PDIA5: variants seen among roughly 807,000 people sequenced by gnomAD.
PDIA5 encodes the protein protein disulfide-isomerase A5.
A neutral mutation model predicts 77.6 loss-of-function variants in PDIA5; 58 were observed. The observed-to-expected ratio is 0.75, with a 90% confidence interval of 0.61 to 0.93. The LOEUF (loss-of-function observed/expected upper bound fraction) is 0.93, where lower values mean the gene tolerates loss of function less well. Ranked by LOEUF, PDIA5 falls within the 40% of genes least tolerant of loss-of-function variation. The probability of loss-of-function intolerance (pLI) is 0.00; values close to 1 mark genes in which losing one functional copy is unlikely to be tolerated. For synonymous variants in PDIA5, 250 were observed against 252.1 expected, an observed-to-expected ratio of 0.99 and a Z score of 0.08; for missense variants, 630 against 647.7, an observed-to-expected ratio of 0.97 and a Z score of 0.30.
chr3:123,108,551 A>G (rs993702741), intron 6 of PDIA5, among the ~76,000 whole-genome samples: 77 of 145,840 alleles, frequency 5.3e-4, no homozygotes, highest in Non-Finnish European at 9.5e-4. Context: ...AAGTACTGAG[A>G]TTACAGGCGT....
intron 11 of PDIA5, among the ~76,000 whole-genome samples, chr3:123,138,314 G>A (rs1372014339): frequency 1.3e-5 from 2 of 151,972 alleles, no homozygotes; most frequent in Non-Finnish European, 2.9e-5. Context: ...ACATTATCTT[G>A]TAGGTATTTT....
intron 7 of PDIA5, among the ~76,000 whole-genome samples, chr3:123,115,489 C>T (rs59875002): frequency 0.042 from 6,459 of 152,254 alleles, 461 homozygotes; most frequent in African/African-American, 0.15. Flanking sequence ...CCAAGGCCAT[C>T]GCAGACAGAA....
chr3:123,123,387 A>T (rs1464113791), intron 8 of PDIA5, among the ~76,000 whole-genome samples: 1 of 152,218 alleles, frequency 6.6e-6, no homozygotes, highest in African/African-American at 2.4e-5. Context: ...GAATTCTGAG[A>T]TGATGATCCA....
At chr3:123,068,627 C>T (rs1211064253) in intron 1 of PDIA5, among the ~76,000 whole-genome samples, 1 of 152,218 alleles carries the variant, frequency 6.6e-6, no homozygotes, top group African/African-American at 2.4e-5. Context: ...CTTTCCCCTC[C>T]CTTTTGTGAA....
At chr3:123,159,469 G>A (rs369544773) in intron 15 of PDIA5, among the ~76,000 whole-genome samples, 2 of 152,334 alleles carry the variant, frequency 1.3e-5, no homozygotes, top group East Asian at 1.9e-4. Context: ...TAGCCTACCT[G>A]AAGGACAGCT....
Position 123,161,437 on chromosome 3 carries a change from G to T in PDIA5, c.1461G>T (p.Lys487Asn). 6.2e-7 allele frequency: 1 copy of T among 1,614,090 alleles called. No individual in the cohort carries two copies. The highest frequency in any genetic ancestry group is 8.5e-7 in the Non-Finnish European group (1 of 1,180,012). The change falls in exon 16 of 17, where the codon AAG becomes AAT. Residue 487 changes from lysine to asparagine, a missense_variant. Transcript: ENST00000316218. ...HYYHYGKFAE[K>N]YDSDRTELGF... ...ACCACTATGGGAAGTTCGCAGAAAA[G>T]TATGACAGCGACCGCACAGTAAGTG... is the stretch of plus-strand genomic sequence containing the variant.
intron 15 of PDIA5, 56 bp downstream of exon 15, chr3:123,155,097 C>T (rs1442837080): frequency 1.6e-6 from 2 of 1,218,402 alleles, no homozygotes; most frequent in Non-Finnish European, 1.2e-6. Flanking sequence ...CTACACCTTC[C>T]TTCTTGTCAT....
chr3:123,086,271 T>G (rs1213902495), intron 1 of PDIA5, among the ~76,000 whole-genome samples: 1 of 152,240 alleles, frequency 6.6e-6, no homozygotes, highest in Admixed American at 6.5e-5. Context: ...TTATCCCATT[T>G]CATCCTCATA....
At chr3:123,126,376 C>T (rs1483803878) in intron 10 of PDIA5, among the ~76,000 whole-genome samples, 8 of 152,168 alleles carry the variant, frequency 5.3e-5, no homozygotes, top group Middle Eastern at 3.2e-3. Context: ...CTCTTGTTAA[C>T]GGCCTTATCC....
Position 123,102,475 on chromosome 3 carries a change from G to A in PDIA5, c.322G>A (p.Val108Ile), listed in dbSNP as rs1263223361. ...KVDLSPKDKK[V>I]ELFHYQDGAF... is the part of the protein sequence containing the mutation. Reference sequence around the variant, plus strand: ...TGACCTGAGCCCGAAGGACAAAAAGGTTGAATTATTCCATTACCAGTAAGT... The same window carrying A: ...TGACCTGAGCCCGAAGGACAAAAAGATTGAATTATTCCATTACCAGTAAGT... The change falls in exon 4 of 17, where the codon GTT becomes ATT. Residue 108 changes from valine (V) to isoleucine (I), a missense_variant. Transcript: ENST00000316218. The A allele has an allele frequency of 6.2e-7, 1 of 1,613,700 alleles. No homozygotes were observed. The highest frequency in any genetic ancestry group is 1.1e-5 in the South Asian group (1 of 91,070).
chr3:123,143,403 A>G (rs929479648), intron 11 of PDIA5, among the ~76,000 whole-genome samples: 4 of 150,846 alleles, frequency 2.7e-5, no homozygotes, highest in Non-Finnish European at 5.9e-5. Flanking sequence ...AAAAAAAAAA[A>G]AGAGAGGCAC....
chr3:123,093,364 G>C (rs886183379), intron 3 of PDIA5, among the ~76,000 whole-genome samples: 6 of 152,094 alleles, frequency 3.9e-5, no homozygotes, highest in Non-Finnish European at 7.4e-5. Flanking sequence ...TTAGCCATTG[G>C]TTAATTCTAG....
rs1005596688 is a variant in PDIA5, at chr3:123,092,239, A to T, written c.170-116A>T. On this transcript the variant is annotated intron_variant, in intron 2 of 16. Coordinates refer to ENST00000316218, the MANE Select transcript of PDIA5 (RefSeq NM_006810.4). The stretch of plus-strand genomic sequence containing the variant: ...ATGGGTGTTTTACCTGGTGCTCAGG[A>T]CTTCTCCACCCCCTCTAGGATTGGT... The T allele has an allele frequency of 1.8e-5, 14 of 763,330 alleles. 1 individual carries two copies. Among genetic ancestry groups the T allele is most frequent in the Middle Eastern group, 4.6e-4 (2 of 4,350 alleles). 47.3% of individuals were successfully genotyped at this position (763,330 alleles called of 1,614,324 possible).
At position 123,110,938 on chromosome 3, in the gene PDIA5, C is replaced by T. The variant is rs2107941764; in HGVS notation, c.481-6C>T. ...GAGCTGCTGGTATTCTCTTTTTGTG[C>T]CTCAGGACTTCAGACGGCTCCTGAA... On this transcript the variant is annotated splice_polypyrimidine_tract_variant and splice_region_variant and intron_variant, in intron 6 of 16. Coordinates refer to ENST00000316218, the MANE Select transcript of PDIA5 (RefSeq NM_006810.4). 3.7e-6 allele frequency: 6 copies of T among 1,612,694 alleles called. No individual in the cohort carries two copies. Among genetic ancestry groups the T allele is most frequent in the Non-Finnish European group, 5.1e-6 (6 of 1,178,764 alleles).
chr3:123,145,589 G>A lies in PDIA5; in HGVS notation c.978G>A (p.Ala326=), dbSNP rs8739. 0.57 allele frequency: 923,719 copies of A among 1,607,838 alleles called. 270,222 individuals are homozygous for A. The highest frequency in any genetic ancestry group is 0.85 in the East Asian group (38,116 of 44,840). Residue 326 remains alanine, a synonymous_variant, in exon 12 of 17, where the codon GCG becomes GCA. Coordinates refer to ENST00000316218, the MANE Select transcript of PDIA5 (RefSeq NM_006810.4). ...CAGCAGAAGCCCTCCATGGAGAAGC[G>A]GATGTAAGCTTCCTTTCCTTCCCCC... ...EKAAEALHGE[A]DSSGVLAAVD...
intron 2 of PDIA5, 105 bp from the exon 3 acceptor site, chr3:123,092,250 C>A (rs1416997488): frequency 8.7e-5 from 73 of 840,588 alleles, no homozygotes; most frequent in Non-Finnish European, 5.9e-6. Flanking sequence ...CTTCTCCACC[C>A]CCTCTAGGAT....
chr3:123,096,903 G>A (rs1439403808), intron 3 of PDIA5, among the ~76,000 whole-genome samples: 1 of 152,226 alleles, frequency 6.6e-6, no homozygotes, highest in African/African-American at 2.4e-5. Flanking sequence ...CTGAGCTGGA[G>A]CCAGCATGGA....
chr3:123,150,143 C>T (rs1179153145), intron 13 of PDIA5, 91 bp from the exon 14 acceptor site: 4 of 861,680 alleles, frequency 4.6e-6, no homozygotes, highest in Middle Eastern at 3.5e-4. Context: ...TGCATGTTCC[C>T]CCGAGTGGTT....
chr3:123,110,623 A>C (rs1227827941), intron 6 of PDIA5, among the ~76,000 whole-genome samples: 1 of 152,158 alleles, frequency 6.6e-6, no homozygotes, highest in Non-Finnish European at 1.5e-5. Flanking sequence ...GCTGAAAGGA[A>C]AGCCAGCAGC....
Sources: allele counts gnomAD v4.1 joint callset (sites outside exome capture counted in the v4.1 genomes callset), GRCh38; gene constraint gnomAD v4.1.1; transcripts MANE v1.5; gene names NCBI Gene and HGNC (gene_info 2026-07-23, HGNC 2026-07-21).